The following C2orf42 variants were observed in gnomAD, a reference collection of about 807,000 sequenced individuals.
C2orf42 encodes the protein chromosome 2 open reading frame 42.
In C2orf42, 44 loss-of-function variants were observed where a neutral mutation model predicts 58.9. The observed-to-expected ratio is 0.75, with a 90% CI of 0.59 to 0.96. The LOEUF is 0.96. Among genes scored for constraint, C2orf42 ranks in the 40% least tolerant of loss-of-function variants. The probability of loss-of-function intolerance (pLI) is 0.00; values close to 1 mark genes in which losing one functional copy is unlikely to be tolerated. For synonymous variants in C2orf42, 239 were observed against 265.4 expected (o/e 0.90, Z 0.97); for missense variants, 630 against 699.2 (o/e 0.90, Z 1.12).
intron 9 of C2orf42, among the ~76,000 whole-genome samples, chr2:70,157,364 G>T (rs973728734): frequency 2.0e-5 from 3 of 152,096 alleles, no homozygotes; most frequent in Non-Finnish European, 4.4e-5. Flanking sequence ...TGAGGCAAGA[G>T]AATGGCGTGA....
chr2:70,179,873 A>G (rs552865744), intron 3 of C2orf42, among the ~76,000 whole-genome samples: 1 of 152,012 alleles, frequency 6.6e-6, no homozygotes, highest in Non-Finnish European at 1.5e-5. Flanking sequence ...AGGAGGGTCA[A>G]GGCTGTAATG....
chr2:70,150,604 C>A lies in C2orf42; in HGVS notation c.1517-40G>T, dbSNP rs1463910947. 3.4e-6 allele frequency: 5 copies of A among 1,469,470 alleles called. No individual in the cohort carries two copies. In the African/African-American group the frequency reaches 6.9e-5, roughly 20 times the overall value. The allele number at this position is 1,469,470 out of a possible 1,614,324, so 91.0% of individuals were successfully genotyped here. The stretch of plus-strand genomic sequence containing the variant: ...GGAGTATTAGTACAATTCCACCTAA[C>A]TCTAATGGGTGTTCCTAATTGCAAA... On this transcript the variant is annotated intron_variant, in intron 9 of 9. Coordinates refer to ENST00000264434, the MANE Select transcript of C2orf42 (RefSeq NM_017880.3).
At chr2:70,184,954 G>C (rs908288810) in intron 1 of C2orf42, among the ~76,000 whole-genome samples, 13 of 151,856 alleles carry the variant, frequency 8.6e-5, no homozygotes, top group African/African-American at 2.4e-4. Flanking sequence ...GCCGGGCGTG[G>C]TGGCGGGCAC....
At chr2:70,183,588 C>A (rs1417642304) in intron 1 of C2orf42, among the ~76,000 whole-genome samples, 2 of 151,640 alleles carry the variant, frequency 1.3e-5, no homozygotes, top group African/African-American at 4.8e-5. Flanking sequence ...TGCCACCATG[C>A]CCGGCTAATT....
At chr2:70,165,442 A>G in intron 7 of C2orf42, 86 bp downstream of exon 7, 1 of 799,298 alleles carries the variant, frequency 1.3e-6, no homozygotes, top group Non-Finnish European at 2.2e-6. Context: ...CTGAATACTC[A>G]CGGTGAATAT....
chr2:70,165,539 T>G lies in C2orf42; in HGVS notation c.1241A>C (p.Asn414Thr), dbSNP rs1441601966. The change falls in exon 7 of 10, where the codon AAC becomes ACC. Residue 414 changes from asparagine to threonine, a missense_variant. Asn to Thr is a moderately conservative substitution (Grantham distance 65). Coordinates refer to ENST00000264434, the MANE Select transcript of C2orf42 (RefSeq NM_017880.3). ...GGGAAATCCTGTACCTGTGGTGGAG[T>G]TGGGGAGCCGTTTTTTTGCACTTCC... The part of the protein sequence containing the change: ...SIGSAKKRLP[N>T]STTAFVRKDA... 1 of 1,583,416 alleles carries G rather than the reference T, an allele frequency of 6.3e-7. No individual in the cohort carries two copies. Among genetic ancestry groups the G allele is most frequent in the Admixed American group, 1.7e-5 (1 of 59,912 alleles).
Position 70,179,632 on chromosome 2 carries a change from C to A in C2orf42, c.834G>T (p.Glu278Asp). 1 of 1,382,902 alleles carries A rather than the reference C, an allele frequency of 7.2e-7. No homozygotes were observed. The highest frequency in any genetic ancestry group is 1.0e-6 in the Non-Finnish European group (1 of 973,660). 85.7% of individuals were successfully genotyped at this position (1,382,902 alleles called of 1,614,324 possible). ...GGCAACCTAACTGGGGTACAATAAT[C>A]TCTTTAAGACCTAAAAAAAAGAAGA... ...FLNFDSSGLK[E>D]IIVPQLGCHS... is the part of the protein sequence containing the mutation. The change falls in exon 4 of 10, where the codon GAG (glutamate) becomes GAT (aspartate). Residue 278 changes from glutamate (E) to aspartate (D), a missense_variant. Coordinates refer to ENST00000264434, the MANE Select transcript of C2orf42 (RefSeq NM_017880.3).
intron 4 of C2orf42, among the ~76,000 whole-genome samples, chr2:70,178,986 A>G (rs1674373816): frequency 6.6e-6 from 1 of 151,960 alleles, no homozygotes; most frequent in South Asian, 2.1e-4. Flanking sequence ...TTCTCCATAT[A>G]CTGAAAATGA....
intron 9 of C2orf42, among the ~76,000 whole-genome samples, chr2:70,155,080 C>T (rs1385887177): frequency 1.3e-5 from 2 of 151,946 alleles, no homozygotes; most frequent in African/African-American, 2.4e-5. Flanking sequence ...CCCGTCTCTA[C>T]TAAAAATACA....
At chr2:70,180,386 T>A (rs1200948343) in intron 3 of C2orf42, among the ~76,000 whole-genome samples, 1 of 151,452 alleles carries the variant, frequency 6.6e-6, no homozygotes, top group Non-Finnish European at 1.5e-5. Flanking sequence ...GGCAGGCAGA[T>A]CACCTGAGGC....
At chr2:70,164,557 G>A (rs999499342) in intron 8 of C2orf42, among the ~76,000 whole-genome samples, 4 of 151,890 alleles carry the variant, frequency 2.6e-5, no homozygotes, top group East Asian at 3.9e-4. Flanking sequence ...GCTTGAACCC[G>A]GGAGGCAGAG....
intron 4 of C2orf42, among the ~76,000 whole-genome samples, chr2:70,178,301 C>T (rs1238394907): frequency 3.3e-5 from 5 of 152,102 alleles, no homozygotes; most frequent in Non-Finnish European, 7.4e-5. Flanking sequence ...TAGTATTAAG[C>T]ATTTGAATTT....
In C2orf42 at chr2:70,169,576, G is replaced by A. The variant is rs369393047; in HGVS notation, c.1125C>T (p.Thr375=). The change falls in exon 6 of 10, where the codon ACC becomes ACT. Residue 375 remains threonine (T), a synonymous_variant. Coordinates refer to ENST00000264434, the MANE Select transcript of C2orf42 (RefSeq NM_017880.3). ...LASVTERIHQ[T]MHYQFDGKPE... The stretch of plus-strand genomic sequence containing the variant: ...ACTTACCATCAAACTGATAGTGCAT[G>A]GTTTGATGGATGCGTTCTGTGACAC... 4.4e-6 allele frequency: 7 copies of A among 1,584,662 alleles called. No individual in the cohort carries two copies. The highest frequency in any genetic ancestry group is 8.7e-7 in the Non-Finnish European group (1 of 1,153,434).
chr2:70,170,657 G>T (rs1176584864), intron 5 of C2orf42, among the ~76,000 whole-genome samples: 3 of 151,948 alleles, frequency 2.0e-5, no homozygotes, highest in Non-Finnish European at 4.4e-5. Flanking sequence ...TGGAGGCTGA[G>T]GTGGGAGAAT....
intron 8 of C2orf42, among the ~76,000 whole-genome samples, chr2:70,162,168 C>G (rs1464382257): frequency 6.6e-6 from 1 of 151,566 alleles, no homozygotes; most frequent in Non-Finnish European, 1.5e-5. Context: ...CAAGCCACCA[C>G]GCCCGGCTAA....
At chr2:70,175,837 G>A (rs1674156069) in intron 4 of C2orf42, 60 bp from the exon 5 acceptor site, 1 of 1,079,096 alleles carries the variant, frequency 9.3e-7, no homozygotes, top group South Asian at 1.3e-5. Context: ...TTGATTTGAT[G>A]TTAATTTTTA....
intron 1 of C2orf42, among the ~76,000 whole-genome samples, chr2:70,189,406 CAAAAAAAAA>C (rs1182514916): frequency 7.7e-4 from 21 of 27,138 alleles, no homozygotes; most frequent in East Asian, 1.7e-3. Flanking sequence ...AACTCCATCT[CAAAAAAAAA>C]AAAAAAAAAA....
At chr2:70,172,498 C>T (rs1573007697) in intron 5 of C2orf42, among the ~76,000 whole-genome samples, 12 of 151,924 alleles carry the variant, frequency 7.9e-5, no homozygotes, top group Admixed American at 7.2e-4. Context: ...GGCAACATGA[C>T]GAAACTCCGT....
chr2:70,161,666 C>A (rs546387400), intron 8 of C2orf42, among the ~76,000 whole-genome samples: 12 of 151,922 alleles, frequency 7.9e-5, no homozygotes, highest in Non-Finnish European at 1.8e-4. Context: ...CATGGAGAAA[C>A]CTCATCTCTA....
Sources: gnomAD v4.1 joint callset for allele counts (sites outside exome capture counted in the v4.1 genomes callset) on GRCh38, gnomAD v4.1.1 for gene constraint, MANE v1.5 for transcripts, NCBI Gene and HGNC (gene_info 2026-07-23, HGNC 2026-07-21) for gene names.